Variants in SHISA6 observed in about 807,000 individuals in gnomAD.
SHISA6 encodes the protein protein shisa-6.
Under a neutral mutation model 47.9 loss-of-function variants are expected in SHISA6, and 22 were observed. The observed-to-expected ratio is 0.46, with a 90% CI of 0.33 to 0.66. The LOEUF (loss-of-function observed/expected upper bound fraction) is 0.66. SHISA6 is among the 30% of genes least tolerant of loss of function. The probability of loss-of-function intolerance (pLI) is 0.02; values close to 1 mark genes in which losing one functional copy is unlikely to be tolerated. For synonymous variants in SHISA6, 388 were observed against 337.8 expected, an observed-to-expected ratio of 1.15 and a Z score of -1.63; for missense variants, 680 against 764.6, an observed-to-expected ratio of 0.89 and a Z score of 1.30.
chr17:11,296,756 A>T (rs1909763698), intron 2 of SHISA6, among the ~76,000 whole-genome samples: 1 of 152,074 alleles, frequency 6.6e-6, no homozygotes, highest in South Asian at 2.1e-4. Context: ...GGACTCGAAA[A>T]CTTGAGGTCA....
At chr17:11,414,681 G>A (rs1287778124) in intron 3 of SHISA6, among the ~76,000 whole-genome samples, 2 of 152,150 alleles carry the variant, frequency 1.3e-5, no homozygotes, top group African/African-American at 4.8e-5. Flanking sequence ...AAAGTGAAAC[G>A]ATTTATAAAT....
intron 3 of SHISA6, among the ~76,000 whole-genome samples, chr17:11,535,217 C>T (rs1287316399): frequency 6.6e-6 from 1 of 152,168 alleles, no homozygotes; most frequent in Non-Finnish European, 1.5e-5. Flanking sequence ...CTGGCATGTT[C>T]ATCCATGTCC....
chr17:11,304,654 C>T (rs1212734822), intron 2 of SHISA6, among the ~76,000 whole-genome samples: 1 of 152,080 alleles, frequency 6.6e-6, no homozygotes, highest in Non-Finnish European at 1.5e-5. Flanking sequence ...TAGGGCTATG[C>T]TTCAGTGATG....
intron 2 of SHISA6, among the ~76,000 whole-genome samples, chr17:11,276,833 G>A (rs1035693269): frequency 2.3e-4 from 35 of 152,116 alleles, no homozygotes; most frequent in Admixed American, 1.4e-3. Flanking sequence ...CATTCAGGAC[G>A]ACTTCAATAG....
chr17:11,512,324 G>C (rs1263143187), intron 3 of SHISA6, among the ~76,000 whole-genome samples: 1 of 152,054 alleles, frequency 6.6e-6, no homozygotes, highest in Non-Finnish European at 1.5e-5. Context: ...TTTTGCCTTA[G>C]CTCCCCGTAC....
chr17:11,503,681 G>C (rs934188179), intron 3 of SHISA6, among the ~76,000 whole-genome samples: 1 of 152,202 alleles, frequency 6.6e-6, no homozygotes, highest in Non-Finnish European at 1.5e-5. Flanking sequence ...GATGTAATAA[G>C]GCTTTGTATA....
At chr17:11,472,685 T>C (rs967338613) in intron 3 of SHISA6, among the ~76,000 whole-genome samples, 12 of 152,190 alleles carry the variant, frequency 7.9e-5, no homozygotes, top group African/African-American at 2.9e-4. Context: ...TTTGAATAAA[T>C]AACAAGGAGT....
chr17:11,337,068 G>A (rs978574636), intron 2 of SHISA6, among the ~76,000 whole-genome samples: 1 of 152,118 alleles, frequency 6.6e-6, no homozygotes. Context: ...GATCTAAGAT[G>A]GAGCCCTACA....
intron 3 of SHISA6, among the ~76,000 whole-genome samples, chr17:11,391,789 T>C (rs1913394315): frequency 6.6e-6 from 1 of 152,144 alleles, no homozygotes; most frequent in South Asian, 2.1e-4. Flanking sequence ...CTGGGATAGT[T>C]TCAAGGTAAG....
chr17:11,296,660 A>C (rs1429249253), intron 2 of SHISA6, among the ~76,000 whole-genome samples: 1 of 152,086 alleles, frequency 6.6e-6, no homozygotes, highest in African/African-American at 2.4e-5. Context: ...ATCTTCCTCT[A>C]GGGAGTATTG....
intron 2 of SHISA6, among the ~76,000 whole-genome samples, chr17:11,266,669 C>T (rs1455096616): frequency 1.3e-5 from 2 of 152,206 alleles, no homozygotes; most frequent in Non-Finnish European, 2.9e-5. Flanking sequence ...CAAACACTGA[C>T]TGTTAGCCAT....
chr17:11,247,183 A>G (rs1169446611), intron 1 of SHISA6, among the ~76,000 whole-genome samples: 1 of 152,230 alleles, frequency 6.6e-6, no homozygotes, highest in Non-Finnish European at 1.5e-5. Context: ...TGCAGGAAAC[A>G]GTGGTTAAGA....
At chr17:11,328,516 A>G (rs1910988115) in intron 2 of SHISA6, among the ~76,000 whole-genome samples, 1 of 152,212 alleles carries the variant, frequency 6.6e-6, no homozygotes, top group African/African-American at 2.4e-5. Flanking sequence ...TTTCTTGAGA[A>G]TTAACTGAGT....
At chr17:11,541,139 C>A (rs190938469) in intron 3 of SHISA6, among the ~76,000 whole-genome samples, 3 of 152,328 alleles carry the variant, frequency 2.0e-5, no homozygotes, top group Non-Finnish European at 2.9e-5. Context: ...GGAAATGTTT[C>A]TTCTAATGAA....
At chr17:11,277,371 T>C (rs1376030572) in intron 2 of SHISA6, among the ~76,000 whole-genome samples, 1 of 151,390 alleles carries the variant, frequency 6.6e-6, no homozygotes, top group East Asian at 2.0e-4. Context: ...GACCTGAGTG[T>C]AGCCATGGGC....
chr17:11,526,323 G>T (rs1037194932), intron 3 of SHISA6, among the ~76,000 whole-genome samples: 8 of 152,178 alleles, frequency 5.3e-5, no homozygotes, highest in Non-Finnish European at 1.2e-4. Context: ...TCTGAAAGAA[G>T]GTCTCATCTG....
At chr17:11,370,679 A>G (rs1317748431) in intron 2 of SHISA6, among the ~76,000 whole-genome samples, 1 of 152,152 alleles carries the variant, frequency 6.6e-6, no homozygotes, top group Non-Finnish European at 1.5e-5. Flanking sequence ...AGGGCAGATG[A>G]CAGGATGAAA....
intron 2 of SHISA6, among the ~76,000 whole-genome samples, chr17:11,325,554 C>T (rs1326144605): frequency 3.3e-5 from 5 of 151,932 alleles, no homozygotes; most frequent in Non-Finnish European, 7.4e-5. Flanking sequence ...GATGCCTATT[C>T]CAAAACAATA....
At chr17:11,327,526 T>TCC (rs1323764259) in intron 2 of SHISA6, among the ~76,000 whole-genome samples, 1 of 152,088 alleles carries the variant, frequency 6.6e-6, no homozygotes, top group Non-Finnish European at 1.5e-5. Context: ...CCAATATAAA[T>TCC]CCAGTAATAC....
Sources: gnomAD v4.1 joint callset for allele counts (sites outside exome capture counted in the v4.1 genomes callset) on GRCh38, gnomAD v4.1.1 for gene constraint, MANE v1.5 for transcripts, NCBI Gene and HGNC (gene_info 2026-07-23, HGNC 2026-07-21) for gene names.